Variants in ARHGAP28 observed in about 807,000 individuals in gnomAD.
The protein encoded by ARHGAP28 is rho GTPase-activating protein 28.
ARHGAP28 carries 56 observed loss-of-function variants against 90.7 expected under a neutral mutation model. The observed-to-expected ratio is 0.62, with a 90% CI of 0.50 to 0.77. The LOEUF is 0.77. ARHGAP28 is among the 30% of genes least tolerant of loss of function. The pLI is 0.00. For synonymous variants in ARHGAP28, 308 were observed against 323.3 expected, an observed-to-expected ratio of 0.95 and a Z score of 0.51; for missense variants, 869 against 900.9, an observed-to-expected ratio of 0.96 and a Z score of 0.45.
At chr18:6,812,314 C>A (rs1487059421) in intron 1 of ARHGAP28, among the ~76,000 whole-genome samples, 1 of 152,118 alleles carries the variant, frequency 6.6e-6, no homozygotes, top group Non-Finnish European at 1.5e-5. Context: ...TACTAGGCAG[C>A]TTCTTGTTTT....
chr18:6,828,156 C>T (rs1460349012), intron 2 of ARHGAP28, among the ~76,000 whole-genome samples: 2 of 152,166 alleles, frequency 1.3e-5, no homozygotes, highest in East Asian at 3.9e-4. Flanking sequence ...GGAGACCAGC[C>T]CGGCCAACAC....
At chr18:6,733,121 C>A (rs998351398) in intron 1 of ARHGAP28, among the ~76,000 whole-genome samples, 1 of 152,072 alleles carries the variant, frequency 6.6e-6, no homozygotes, top group African/African-American at 2.4e-5. Flanking sequence ...ATAAGTGAAA[C>A]CACCTGAAGT....
At chr18:6,819,580 C>T (rs966304619) in intron 1 of ARHGAP28, among the ~76,000 whole-genome samples, 10 of 152,186 alleles carry the variant, frequency 6.6e-5, no homozygotes, top group African/African-American at 2.4e-4. Flanking sequence ...GCTGCCTGCA[C>T]TAGCACAAGA....
chr18:6,882,573 T>A (rs1483368468), intron 11 of ARHGAP28, among the ~76,000 whole-genome samples: 1 of 152,216 alleles, frequency 6.6e-6, no homozygotes, highest in Non-Finnish European at 1.5e-5. Flanking sequence ...CTGTTAGCCA[T>A]GCAATCAAAC....
intron 1 of ARHGAP28, among the ~76,000 whole-genome samples, chr18:6,749,385 G>A (rs938261778): frequency 1.3e-5 from 2 of 151,988 alleles, no homozygotes; most frequent in Non-Finnish European, 2.9e-5. Flanking sequence ...CTTTACCCAG[G>A]GTTTTATAGT....
At chr18:6,823,556 G>A (rs142019601) in intron 1 of ARHGAP28, among the ~76,000 whole-genome samples, 2 of 150,356 alleles carry the variant, frequency 1.3e-5, no homozygotes, top group African/African-American at 4.9e-5. Context: ...ATTCTTTTGA[G>A]TATATACCCA....
intron 5 of ARHGAP28, among the ~76,000 whole-genome samples, chr18:6,867,768 T>C (rs1169990758): frequency 6.6e-6 from 1 of 152,208 alleles, no homozygotes; most frequent in Non-Finnish European, 1.5e-5. Flanking sequence ...ACAAATGATA[T>C]TATAATTATC....
At chr18:6,826,361 T>G (rs2056663083) in intron 2 of ARHGAP28, among the ~76,000 whole-genome samples, 1 of 152,122 alleles carries the variant, frequency 6.6e-6, no homozygotes, top group South Asian at 2.1e-4. Flanking sequence ...AAACTCCTTA[T>G]AGATTCTGGA....
intron 3 of ARHGAP28, among the ~76,000 whole-genome samples, chr18:6,841,233 C>T (rs1490765294): frequency 1.9e-4 from 25 of 132,356 alleles, no homozygotes; most frequent in African/African-American, 7.2e-4. Flanking sequence ...CCCCCCAACC[C>T]GCCCCCACCA....
At chr18:6,887,317 T>C (rs1385762261) in intron 12 of ARHGAP28, 78 bp downstream of exon 12, 2 of 1,385,840 alleles carry the variant, frequency 1.4e-6, no homozygotes, top group South Asian at 1.2e-5. Flanking sequence ...AAAATGAAAG[T>C]GGAGATGACA....
At chr18:6,826,605 G>A (rs1431383) in intron 2 of ARHGAP28, among the ~76,000 whole-genome samples, 92,997 of 149,768 alleles carry the variant, frequency 0.62, 30,393 homozygotes, top group South Asian at 0.74. Context: ...CCACGAGCGC[G>A]TATGAGCCTG....
intron 4 of ARHGAP28, among the ~76,000 whole-genome samples, chr18:6,858,362 A>T (rs975355790): frequency 5.9e-5 from 9 of 152,028 alleles, no homozygotes; most frequent in Non-Finnish European, 1.0e-4. Flanking sequence ...TTTTTATCTT[A>T]TCAAACCAAT....
intron 4 of ARHGAP28, among the ~76,000 whole-genome samples, chr18:6,857,124 T>C (rs1231352790): frequency 2.0e-5 from 3 of 152,180 alleles, no homozygotes; most frequent in Non-Finnish European, 4.4e-5. Context: ...GCTACATAAT[T>C]CAGATTGTGA....
chr18:6,833,432 T>TTCTCTC (rs971145097), intron 2 of ARHGAP28, among the ~76,000 whole-genome samples: 1 of 151,726 alleles, frequency 6.6e-6, no homozygotes, highest in Non-Finnish European at 1.5e-5. Flanking sequence ...TTTCTCTTTC[T>TTCTCTC]TCTCTCTCTC....
chr18:6,874,958 G>A (rs182142222), intron 9 of ARHGAP28: 1 of 152,374 alleles, frequency 6.6e-6, no homozygotes, highest in African/African-American at 2.4e-5. Context: ...CAGTCAGCAA[G>A]AGGTGGAGTG....
At chr18:6,756,316 A>G (rs1486769216) in intron 1 of ARHGAP28, among the ~76,000 whole-genome samples, 2 of 151,958 alleles carry the variant, frequency 1.3e-5, no homozygotes, top group African/African-American at 4.8e-5. Flanking sequence ...TTCCTATTCC[A>G]TCTCCATCCC....
At chr18:6,897,489 A>G (rs917760955) in intron 16 of ARHGAP28, 1 of 152,208 alleles carries the variant, frequency 6.6e-6, no homozygotes, top group African/African-American at 2.4e-5. Flanking sequence ...TTGTCTGGAC[A>G]TGCTTACTAA....
intron 1 of ARHGAP28, among the ~76,000 whole-genome samples, chr18:6,752,390 A>G (rs988500094): frequency 7.9e-5 from 12 of 152,246 alleles, no homozygotes; most frequent in Admixed American, 2.6e-4. Flanking sequence ...GAAGCAAAAC[A>G]GACCTTCCTG....
chr18:6,841,717 G>A (rs1228998116), intron 3 of ARHGAP28, among the ~76,000 whole-genome samples: 1 of 151,934 alleles, frequency 6.6e-6, no homozygotes, highest in Non-Finnish European at 1.5e-5. Context: ...CATCAATCCT[G>A]TTCCTTTACA....
Sources: allele counts gnomAD v4.1 joint callset (sites outside exome capture counted in the v4.1 genomes callset), GRCh38; gene constraint gnomAD v4.1.1; transcripts MANE v1.5; gene names NCBI Gene and HGNC (gene_info 2026-07-23, HGNC 2026-07-21).